Variants in RUNDC3B observed in about 807,000 individuals in gnomAD.
The protein encoded by RUNDC3B is RUN domain-containing protein 3B.
A neutral mutation model predicts 58.4 loss-of-function variants in RUNDC3B; 33 were observed. The observed-to-expected ratio is 0.56, with a 90% CI of 0.43 to 0.75. RUNDC3B has a LOEUF of 0.75. RUNDC3B is among the 30% of genes least tolerant of loss of function. The pLI is 0.00. For missense variants in RUNDC3B, 501 were observed against 535.7 expected (o/e 0.94, Z 0.64); for synonymous variants, 193 against 195.2 (o/e 0.99, Z 0.10).
chr7:87,684,856 G>T (rs1169347880), intron 2 of RUNDC3B, among the ~76,000 whole-genome samples: 1 of 151,368 alleles, frequency 6.6e-6, no homozygotes, highest in Non-Finnish European at 1.5e-5. Context: ...CAATTTCATG[G>T]AAAAGTGATA....
rs1820836061 is a variant in RUNDC3B, at chr7:87,628,568, AGGT to A, written c.-251_-249del. On this transcript the variant is annotated 5_prime_UTR_variant, in exon 1 of 11. Coordinates refer to ENST00000394654, the MANE Select transcript of RUNDC3B (RefSeq NM_001134405.2). ...GCAGTCGGCGGCGCGCCGAGGGCGG[AGGT>A]GGTGCGTGCGTGCGTGTGTGTGTGT... 1 of 311,286 alleles carries A rather than the reference AGGT, an allele frequency of 3.2e-6. No individual in the cohort carries two copies. The allele number at this position is 311,286 out of a possible 1,614,324, so 19.3% of individuals were successfully genotyped here. A position where few individuals can be genotyped will look rare whatever the true frequency, so the allele number is the denominator to read the frequency against.
intron 1 of RUNDC3B, among the ~76,000 whole-genome samples, chr7:87,645,632 T>G (rs1822927183): frequency 1.3e-5 from 2 of 152,228 alleles, no homozygotes; most frequent in Admixed American, 1.3e-4. Flanking sequence ...AACAGATGAC[T>G]AATATTAATG....
At chr7:87,729,226 T>C (rs1433597841) in intron 4 of RUNDC3B, among the ~76,000 whole-genome samples, 1 of 152,040 alleles carries the variant, frequency 6.6e-6, no homozygotes, top group Non-Finnish European at 1.5e-5. Context: ...GAACACCAAA[T>C]TGAAGAACTA....
intron 4 of RUNDC3B, among the ~76,000 whole-genome samples, chr7:87,717,384 A>C (rs529084589): frequency 6.6e-6 from 1 of 152,144 alleles, no homozygotes; most frequent in Non-Finnish European, 1.5e-5. Context: ...TATTTGCTTT[A>C]TCAATTTATC....
chr7:87,665,729 C>T (rs1825163417), intron 2 of RUNDC3B, among the ~76,000 whole-genome samples: 1 of 152,008 alleles, frequency 6.6e-6, no homozygotes, highest in African/African-American at 2.4e-5. Context: ...GTTTGTTGTT[C>T]TCATCCTTCT....
chr7:87,778,185 G>A (rs530156060), intron 8 of RUNDC3B, among the ~76,000 whole-genome samples: 1 of 152,198 alleles, frequency 6.6e-6, no homozygotes, highest in South Asian at 2.1e-4. Flanking sequence ...GCTCATATCT[G>A]TAATCCCCCC....
chr7:87,705,438 AAAC>A (rs1231111568), intron 3 of RUNDC3B, among the ~76,000 whole-genome samples: 11 of 152,278 alleles, frequency 7.2e-5, no homozygotes, highest in Non-Finnish European at 1.3e-4. Flanking sequence ...AAAACAAACA[AAAC>A]AACAACAACA....
chr7:87,679,388 C>T (rs563775237), intron 2 of RUNDC3B, among the ~76,000 whole-genome samples: 9 of 149,308 alleles, frequency 6.0e-5, no homozygotes, highest in South Asian at 4.3e-4. Context: ...CCACCGTGCC[C>T]GGCCCCCAAC....
At chr7:87,737,769 A>AT (rs921743315) in intron 4 of RUNDC3B, among the ~76,000 whole-genome samples, 4 of 151,800 alleles carry the variant, frequency 2.6e-5, no homozygotes, top group South Asian at 2.1e-4. Context: ...TTAAGATATG[A>AT]TTTTTTTCAG....
chr7:87,722,555 A>C (rs1830966585), intron 4 of RUNDC3B, among the ~76,000 whole-genome samples: 1 of 152,176 alleles, frequency 6.6e-6, no homozygotes, highest in Admixed American at 6.6e-5. Context: ...AGTTAGTATG[A>C]GTGTACTGAG....
intron 2 of RUNDC3B, among the ~76,000 whole-genome samples, chr7:87,676,069 G>A (rs1002664038): frequency 6.6e-6 from 1 of 151,782 alleles, no homozygotes; most frequent in African/African-American, 2.4e-5. Flanking sequence ...TCTACAAAAA[G>A]TTAAAAAATT....
chr7:87,774,086 T>G (rs1360464665), intron 7 of RUNDC3B, among the ~76,000 whole-genome samples: 2 of 152,164 alleles, frequency 1.3e-5, no homozygotes, highest in African/African-American at 4.8e-5. Context: ...TAAGGTCATG[T>G]GAATAGTGCA....
intron 6 of RUNDC3B, among the ~76,000 whole-genome samples, chr7:87,744,076 C>T (rs1832506581): frequency 6.6e-6 from 1 of 152,102 alleles, no homozygotes; most frequent in African/African-American, 2.4e-5. Flanking sequence ...GGTGTCCTTT[C>T]TCCACTTTAT....
At chr7:87,679,140 T>G (rs1160250860) in intron 2 of RUNDC3B, among the ~76,000 whole-genome samples, 1 of 140,024 alleles carries the variant, frequency 7.1e-6, no homozygotes, top group East Asian at 2.2e-4. Context: ...TCCCCCAGGC[T>G]GGAGTGCAGT....
chr7:87,823,577 C>A (rs986659615), intron 10 of RUNDC3B, among the ~76,000 whole-genome samples: 1 of 151,968 alleles, frequency 6.6e-6, no homozygotes. Flanking sequence ...CCTTCCCACC[C>A]CTTTCCTCTC....
intron 8 of RUNDC3B, among the ~76,000 whole-genome samples, chr7:87,803,242 TTGAACCTTAAC>T (rs569614977): frequency 8.2e-4 from 125 of 152,310 alleles, no homozygotes; most frequent in African/African-American, 3.0e-3. Flanking sequence ...AAACAGCTCT[TTGAACCTTAAC>T]TGAAAACTAT....
intron 8 of RUNDC3B, among the ~76,000 whole-genome samples, chr7:87,782,551 G>A (rs966453197): frequency 6.6e-6 from 1 of 151,856 alleles, no homozygotes; most frequent in African/African-American, 2.4e-5. Context: ...GTTCCTCTAG[G>A]TGCGACGTCA....
chr7:87,813,079 A>C (rs1836812736), intron 9 of RUNDC3B, among the ~76,000 whole-genome samples: 1 of 152,220 alleles, frequency 6.6e-6, no homozygotes, highest in African/African-American at 2.4e-5. Context: ...ACAGTTCTTA[A>C]TATTTTATTA....
chr7:87,769,232 A>G (rs2130866974), intron 6 of RUNDC3B, among the ~76,000 whole-genome samples: 1 of 150,226 alleles, frequency 6.7e-6, no homozygotes, highest in South Asian at 2.1e-4. Context: ...GCTGGTCTTG[A>G]ACTTCTGGCC....
Sources: gnomAD v4.1 joint callset for allele counts (sites outside exome capture counted in the v4.1 genomes callset) on GRCh38, gnomAD v4.1.1 for gene constraint, MANE v1.5 for transcripts, NCBI Gene and HGNC (gene_info 2026-07-23, HGNC 2026-07-21) for gene names.